PCLO: variants seen among roughly 807,000 people sequenced by gnomAD.
The protein encoded by PCLO is protein piccolo.
Under a neutral mutation model 427.5 loss-of-function variants are expected in PCLO, and 82 were observed. The observed-to-expected ratio is 0.19, with a 90% CI of 0.16 to 0.23. The LOEUF (loss-of-function observed/expected upper bound fraction) is 0.23, where lower values mean the gene tolerates loss of function less well. Among genes scored for constraint, PCLO ranks in the 10% least tolerant of loss-of-function variants. The pLI is 1.00. For missense variants in PCLO, 6,239 were observed against 6,115.9 expected, an observed-to-expected ratio of 1.02 and a Z score of -0.67; for synonymous variants, 2,357 against 2,155.4, an observed-to-expected ratio of 1.09 and a Z score of -2.59.
At chr7:82,964,013 T>C (rs544080125) in intron 4 of PCLO, among the ~76,000 whole-genome samples, 1 of 152,262 alleles carries the variant, frequency 6.6e-6, no homozygotes, top group Non-Finnish European at 1.5e-5. Flanking sequence ...TAGGGAATCA[T>C]TAGGAACATC....
At position 82,847,312 on chromosome 7, in the gene PCLO, T is replaced by A. The variant is rs1271837749; in HGVS notation, c.13655-65A>T. The A allele has an allele frequency of 7.1e-6, 6 of 845,142 alleles. No homozygotes were observed. The African/African-American group carries it at 1.0e-4, about 14-fold the overall frequency. The allele number at this position is 845,142 out of a possible 1,614,324, so 52.4% of individuals were successfully genotyped here. ...ATCTCTAGTCTGGGTACATATGGCA[T>A]TGAAGACATTTATTTGCATTTAGAA... On this transcript the variant is annotated intron_variant, in intron 10 of 24. Transcript: ENST00000333891.
chr7:82,811,844 C>G (rs1791578780), intron 20 of PCLO, among the ~76,000 whole-genome samples: 2 of 151,218 alleles, frequency 1.3e-5, no homozygotes, highest in African/African-American at 2.4e-5. Flanking sequence ...AGTCGTTAGG[C>G]ATGGAAGTTG....
At chr7:82,827,817 T>C (rs1791984720) in intron 17 of PCLO, 56 bp downstream of exon 17, 1 of 959,076 alleles carries the variant, frequency 1.0e-6, no homozygotes, top group East Asian at 2.5e-5. Context: ...AATAATTGTG[T>C]TATCACTGTA....
intron 9 of PCLO, among the ~76,000 whole-genome samples, chr7:82,898,702 C>T (rs1793965842): frequency 6.6e-6 from 1 of 151,254 alleles, no homozygotes; most frequent in Non-Finnish European, 1.5e-5. Flanking sequence ...ATTGATGAAG[C>T]TTTTGGATAC....
At chr7:83,029,859 G>A (rs1583930039) in intron 3 of PCLO, among the ~76,000 whole-genome samples, 1 of 146,888 alleles carries the variant, frequency 6.8e-6, no homozygotes, top group East Asian at 2.0e-4. Flanking sequence ...ACTATCGCAA[G>A]AACAAAAAAC....
intron 3 of PCLO, among the ~76,000 whole-genome samples, chr7:83,001,153 C>G (rs1264258208): frequency 6.6e-6 from 1 of 151,912 alleles, no homozygotes; most frequent in African/African-American, 2.4e-5. Flanking sequence ...AAACTTACTG[C>G]AGACACATTA....
chr7:82,969,860 T>G (rs1188170912), intron 3 of PCLO, among the ~76,000 whole-genome samples: 1 of 152,122 alleles, frequency 6.6e-6, no homozygotes, highest in Non-Finnish European at 1.5e-5. Flanking sequence ...CACTTCTAGT[T>G]AGATATTTTC....
intron 18 of PCLO, among the ~76,000 whole-genome samples, chr7:82,826,368 T>A (rs1791944419): frequency 6.6e-6 from 1 of 152,274 alleles, no homozygotes; most frequent in South Asian, 2.1e-4. Context: ...GAAAATTTCA[T>A]CTTAGAAATT....
chr7:83,052,506 GA>G (rs775231785), intron 3 of PCLO, among the ~76,000 whole-genome samples: 2 of 151,918 alleles, frequency 1.3e-5, no homozygotes, highest in Non-Finnish European at 2.9e-5. Context: ...CTATTAATTG[GA>G]TAATATTGAT....
chr7:82,971,565 T>C (rs1192206976), intron 3 of PCLO, among the ~76,000 whole-genome samples: 1 of 147,112 alleles, frequency 6.8e-6, no homozygotes, highest in Non-Finnish European at 1.5e-5. Context: ...ATAATATATA[T>C]CATGTTATAT....
chr7:83,058,074 T>G (rs1789447364), intron 3 of PCLO, among the ~76,000 whole-genome samples: 1 of 152,178 alleles, frequency 6.6e-6, no homozygotes, highest in Non-Finnish European at 1.5e-5. Flanking sequence ...TAGGGTCTTT[T>G]AAAAGCTTTC....
intron 3 of PCLO, among the ~76,000 whole-genome samples, chr7:83,048,853 T>C (rs958938988): frequency 6.6e-6 from 1 of 152,186 alleles, no homozygotes; most frequent in Non-Finnish European, 1.5e-5. Context: ...AAAAAAACTA[T>C]TCTGAGCCCA....
chr7:82,938,851 C>A (rs950198836), intron 6 of PCLO, among the ~76,000 whole-genome samples: 2 of 151,882 alleles, frequency 1.3e-5, no homozygotes, highest in African/African-American at 2.4e-5. Flanking sequence ...AATGAGATAG[C>A]GATATATTCC....
rs1290511052 is a variant in PCLO at position 83,025,366 on chromosome 7, G to A, written c.3301-58879C>T. The stretch of plus-strand genomic sequence containing the variant: ...AGAAAGGGTATCAGCAATGGAAGAT[G>A]AAATGAATGAAATGAAGCGAGAAGG... On this transcript the variant is annotated intron_variant, in intron 3 of 24. Transcript: ENST00000333891. Among the ~76,000 whole-genome samples, 6 of 150,848 alleles carry A rather than the reference G, an allele frequency of 4.0e-5. No individual in the cohort carries two copies. The South Asian group carries it at 8.5e-4, about 21-fold the overall frequency.
intron 3 of PCLO, among the ~76,000 whole-genome samples, chr7:82,971,615 T>A (rs933799265): frequency 2.0e-5 from 3 of 147,680 alleles, no homozygotes; most frequent in African/African-American, 7.4e-5. Flanking sequence ...ATATATGATA[T>A]CGTATAGATA....
intron 8 of PCLO, among the ~76,000 whole-genome samples, chr7:82,905,338 C>T (rs1029403882): frequency 2.6e-5 from 4 of 152,026 alleles, no homozygotes; most frequent in Admixed American, 6.6e-5. Flanking sequence ...ACTTCACACA[C>T]GGAAGACAGA....
rs1788241332 is a variant in PCLO, at chr7:83,017,648, C to A, written c.3301-51161G>T. 2.6e-5 allele frequency among the ~76,000 whole-genome samples: 4 copies of A among 151,812 alleles called. No homozygotes were observed. The South Asian group carries it at 6.2e-4, about 24-fold the overall frequency. On this transcript the variant is annotated intron_variant, in intron 3 of 24. Transcript: ENST00000333891. Reference sequence around the variant, plus strand: ...TATATTGAAATGTATATTACATATACAGCTACAAAATCATGTTACTCTTTT... The same window carrying A: ...TATATTGAAATGTATATTACATATAAAGCTACAAAATCATGTTACTCTTTT...
chr7:82,922,896 C>A (rs1443928785), intron 6 of PCLO, among the ~76,000 whole-genome samples: 2 of 152,006 alleles, frequency 1.3e-5, no homozygotes, highest in South Asian at 4.1e-4. Flanking sequence ...GCCATACCTA[C>A]TGTCAGAAAT....
chr7:83,107,579 TA>T (rs949641708), intron 3 of PCLO, among the ~76,000 whole-genome samples: 2 of 151,802 alleles, frequency 1.3e-5, no homozygotes, highest in African/African-American at 4.8e-5. Flanking sequence ...TTGAGTTTAT[TA>T]AAAAACTTAT....
Sources: gnomAD v4.1 joint callset for allele counts (sites outside exome capture counted in the v4.1 genomes callset) on GRCh38, gnomAD v4.1.1 for gene constraint, MANE v1.5 for transcripts, NCBI Gene and HGNC (gene_info 2026-07-23, HGNC 2026-07-21) for gene names.